Variants in TRPM6 observed in about 807,000 individuals in gnomAD.
TRPM6 encodes the protein transient receptor potential cation channel subfamily M member 6.
Under a neutral mutation model 247.6 loss-of-function variants are expected in TRPM6, and 111 were observed. The observed-to-expected ratio is 0.45, with a 90% CI of 0.38 to 0.52. TRPM6 has a LOEUF of 0.52. TRPM6 is among the 20% of genes least tolerant of loss of function. The pLI is 0.00. For missense variants in TRPM6, 2,126 were observed against 2,421.5 expected, an observed-to-expected ratio of 0.88 and a Z score of 2.56; for synonymous variants, 892 against 853.8, an observed-to-expected ratio of 1.04 and a Z score of -0.78.
chr9:74,782,534 C>G, intron 22 of TRPM6, 58 bp from the exon 23 acceptor site: 2 of 1,485,174 alleles, frequency 1.3e-6, no homozygotes, highest in Non-Finnish European at 1.9e-6. Context: ...TCCTGCCACT[C>G]TAGACACACA....
chr9:74,781,534 C>G (rs1445059380), intron 23 of TRPM6, among the ~76,000 whole-genome samples: 1 of 16,648 alleles, frequency 6.0e-5, no homozygotes, highest in Non-Finnish European at 1.3e-4. Context: ...AAGACTCTAT[C>G]TCAAAAAAAA....
chr9:74,860,560 C>G (rs748649063), intron 1 of TRPM6, among the ~76,000 whole-genome samples: 46 of 152,040 alleles, frequency 3.0e-4, no homozygotes, highest in Non-Finnish European at 4.6e-4. Flanking sequence ...GGTTTCACCA[C>G]GTTGGTCAGA....
At chr9:74,859,074 A>G (rs886562582) in intron 1 of TRPM6, among the ~76,000 whole-genome samples, 1 of 152,212 alleles carries the variant, frequency 6.6e-6, no homozygotes, top group Non-Finnish European at 1.5e-5. Context: ...TCACTTTTAT[A>G]TCTTGTACCA....
Position 74,762,792 on chromosome 9 carries a change from T to A in TRPM6, c.3879A>T (p.Pro1293=), listed in dbSNP as rs1428110978. Residue 1293 remains proline, a synonymous_variant, in exon 26 of 39, where the codon CCA becomes CCT. Coordinates refer to ENST00000360774, the MANE Select transcript of TRPM6 (RefSeq NM_017662.5). ...LRSLAGGRHP[P]RVQRGALLEI... is the part of the protein sequence containing the mutation. ...CAAGAAGTGCCCCCCTCTGCACTCT[T>A]GGGGGATGCCGGCCTCCAGCCAGGC... The A allele has an allele frequency of 4.3e-6, 7 of 1,614,060 alleles. No homozygotes were observed. Among genetic ancestry groups the A allele is most frequent in the Non-Finnish European group, 5.9e-6 (7 of 1,180,036 alleles).
In TRPM6 at chr9:74,840,063, T is replaced by A; in HGVS notation, c.505A>T (p.Thr169Ser). 1 of 1,614,164 alleles carries A rather than the reference T, an allele frequency of 6.2e-7. No individual in the cohort carries two copies. Among genetic ancestry groups the A allele is most frequent in the African/African-American group, 1.3e-5 (1 of 75,046 alleles). The change falls in exon 5 of 39, where the codon ACA (threonine) becomes TCA (serine). Residue 169 changes from threonine to serine, a missense_variant. By Grantham distance (58) the Thr-to-Ser change is moderately conservative. This residue lies in a region of TRPM6 where 1,082 missense variants were observed against 1,307.9 expected (regional missense o/e 0.83). Coordinates refer to ENST00000360774, the MANE Select transcript of TRPM6 (RefSeq NM_017662.5). Reference protein sequence around the residue: ...FSQGLVKAAETTGAWIITEGI... With the variant: ...FSQGLVKAAESTGAWIITEGI... ...TCAGTTATTATCCACGCTCCTGTTG[T>A]CTCTGCAGCTTTAACCAAACCTTGG...
At position 74,752,762 on chromosome 9, in the gene TRPM6, A is replaced by G. The variant is rs115196324; in HGVS notation, c.4907-394T>C. 7.5e-3 allele frequency among the ~76,000 whole-genome samples: 1,147 copies of G among 152,238 alleles called. 17 individuals are homozygous for G. The highest frequency in any genetic ancestry group is 0.026 in the African/African-American group (1,083 of 41,544). Reference sequence around the variant, plus strand: ...AATTCCATTCCTAGTCTAGTTAGGAATCCTTCCTTAGCAACTGCATCAAAC... The same window carrying G: ...AATTCCATTCCTAGTCTAGTTAGGAGTCCTTCCTTAGCAACTGCATCAAAC... On this transcript the variant is annotated intron_variant, in intron 28 of 38. Transcript: ENST00000360774.
rs1024110997 is a variant in TRPM6, at chr9:74,724,451, T to C, written c.*162A>G. On this transcript the variant is annotated 3_prime_UTR_variant, in exon 39 of 39. Transcript: ENST00000360774. Reference sequence around the variant, plus strand: ...GAGGTCAGTGTCTAGGAGAACCCATTGATCATATACCAATGAGGCCTTTGA... The same window carrying C: ...GAGGTCAGTGTCTAGGAGAACCCATCGATCATATACCAATGAGGCCTTTGA... The C allele has an allele frequency of 3.6e-5, 36 of 994,620 alleles. No homozygotes were observed. Among genetic ancestry groups the C allele is most frequent in the Non-Finnish European group, 5.2e-5 (34 of 648,620 alleles). The allele number at this position is 994,620 out of a possible 1,614,324, so 61.6% of individuals were successfully genotyped here. A position where few individuals can be genotyped will look rare whatever the true frequency, so the allele number is the denominator to read the frequency against.
chr9:74,803,980 C>A, intron 14 of TRPM6, 94 bp from the exon 15 acceptor site: 1 of 820,628 alleles, frequency 1.2e-6, no homozygotes, highest in Non-Finnish European at 2.1e-6. Flanking sequence ...ATAGTGGTAA[C>A]AATATTTTAT....
intron 12 of TRPM6, among the ~76,000 whole-genome samples, chr9:74,811,336 G>A (rs1828722853): frequency 6.6e-6 from 1 of 152,166 alleles, no homozygotes; most frequent in Non-Finnish European, 1.5e-5. Flanking sequence ...CTCAAAAAGA[G>A]TTACAAATAA....
At chr9:74,787,623 C>A (rs1244713240) in intron 20 of TRPM6, among the ~76,000 whole-genome samples, 1 of 152,204 alleles carries the variant, frequency 6.6e-6, no homozygotes, top group East Asian at 1.9e-4. Flanking sequence ...GGTAAATACA[C>A]AGACACAGAG....
At chr9:74,726,395 A>C (rs1825324866) in intron 38 of TRPM6, among the ~76,000 whole-genome samples, 1 of 152,138 alleles carries the variant, frequency 6.6e-6, no homozygotes, top group African/African-American at 2.4e-5. Flanking sequence ...CTGTAATCCC[A>C]GCTATTAGGG....
chr9:74,782,788 G>C lies in TRPM6; in HGVS notation c.2985C>G (p.Arg995=), dbSNP rs1827510168. 1 of 1,614,076 alleles carries C rather than the reference G, an allele frequency of 6.2e-7. No individual in the cohort carries two copies. Among genetic ancestry groups the C allele is most frequent in the African/African-American group, 1.3e-5 (1 of 75,016 alleles). The change falls in exon 22 of 39, where the codon CGC becomes CGG. Residue 995 remains arginine (R), a synonymous_variant. Transcript: ENST00000360774. ...AIVLLSFGVA[R]KAILSPKEPP... ...GCTCTTTTGGCGAAAGGATGGCCTTGCGTGCCACTCCAAAGCTCAGCAGGA... is the reference window on the plus strand; with the variant it reads ...GCTCTTTTGGCGAAAGGATGGCCTTCCGTGCCACTCCAAAGCTCAGCAGGA...
chr9:74,748,114 A>G (rs1189631175), intron 30 of TRPM6, among the ~76,000 whole-genome samples, 200 bp from the exon 31 acceptor site: 2 of 152,220 alleles, frequency 1.3e-5, no homozygotes, highest in African/African-American at 4.8e-5. Flanking sequence ...CCCATAGATT[A>G]TAACAGAGCT....
intron 32 of TRPM6, 65 bp downstream of exon 32, chr9:74,744,030 G>C: frequency 6.6e-7 from 1 of 1,517,128 alleles, no homozygotes; most frequent in Non-Finnish European, 9.2e-7. Context: ...CAGTGTTTCT[G>C]TTTACAAATG....
intron 6 of TRPM6, among the ~76,000 whole-genome samples, chr9:74,832,025 A>G (rs1829564672): frequency 6.6e-6 from 1 of 152,224 alleles, no homozygotes; most frequent in South Asian, 2.1e-4. Context: ...GACTGCTAAC[A>G]TTATAAAAAG....
At chr9:74,803,161 C>T (rs1443428733) in intron 15 of TRPM6, among the ~76,000 whole-genome samples, 3 of 152,078 alleles carry the variant, frequency 2.0e-5, no homozygotes, top group South Asian at 2.1e-4. Context: ...CTCTTTCATA[C>T]CAGGAGCTAT....
chr9:74,856,760 A>C (rs538962127), intron 2 of TRPM6, among the ~76,000 whole-genome samples: 62 of 152,306 alleles, frequency 4.1e-4, no homozygotes, highest in African/African-American at 1.4e-3. Context: ...TATTTTAAAA[A>C]GTGAATTATC....
In TRPM6 at chr9:74,739,755, G is replaced by T; in HGVS notation, c.5455C>A (p.Gln1819Lys). 6.2e-7 allele frequency: 1 copy of T among 1,613,738 alleles called. No homozygotes were observed. Among genetic ancestry groups the T allele is most frequent in the Non-Finnish European group, 8.5e-7 (1 of 1,180,004 alleles). The change falls in exon 34 of 39, where the codon CAG becomes AAG. Residue 1819 changes from glutamine to lysine, a missense_variant. Physicochemically the swap from Gln to Lys is moderately conservative, Grantham distance 53. This residue lies in a region of TRPM6 where 327 missense variants were observed against 397.7 expected (regional missense o/e 0.82). Coordinates refer to ENST00000360774, the MANE Select transcript of TRPM6 (RefSeq NM_017662.5). ...CAAAGATGAAGCACAGTGCTCTCCT[G>T]GAAGATTTTATGCCATGTCCGCACA... ...EVVRTWHKIF[Q>K]ESTVLHLCLR...
At chr9:74,857,894 A>C (rs1830576254) in intron 2 of TRPM6, 1 of 152,244 alleles carries the variant, frequency 6.6e-6, no homozygotes, top group African/African-American at 2.4e-5. Context: ...GGGGATAAGA[A>C]ACATTCACAA....
Sources: gnomAD v4.1 joint callset for allele counts (sites outside exome capture counted in the v4.1 genomes callset) on GRCh38, gnomAD v4.1.1 for gene constraint, gnomAD v4.1.1 regional missense constraint, MANE v1.5 for transcripts, NCBI Gene and HGNC (gene_info 2026-07-23, HGNC 2026-07-21) for gene names.